The following SEMA3A variants were observed in gnomAD, a reference collection of about 807,000 sequenced individuals.
SEMA3A encodes semaphorin-3A.
In SEMA3A, 29 loss-of-function variants were observed where a neutral mutation model predicts 97.9. The ratio of observed to expected loss-of-function variants is 0.30; its 90% CI spans 0.22 to 0.40. The LOEUF (loss-of-function observed/expected upper bound fraction) is 0.40. Ranked by LOEUF, SEMA3A falls within the 10% of genes least tolerant of loss-of-function variation. SEMA3A has a pLI of 1.00. For missense variants in SEMA3A, 763 were observed against 951.3 expected (o/e 0.80, Z 2.60); for synonymous variants, 321 against 323.7 (o/e 0.99, Z 0.09).
At chr7:84,145,136 T>C (rs916068461) in intron 1 of SEMA3A, among the ~76,000 whole-genome samples, 1 of 152,186 alleles carries the variant, frequency 6.6e-6, no homozygotes, top group Admixed American at 6.5e-5. Context: ...CACCCTCACC[T>C]GCTTAGGTAA....
At chr7:84,035,225 G>A (rs766998913) in intron 6 of SEMA3A, among the ~76,000 whole-genome samples, 1 of 151,960 alleles carries the variant, frequency 6.6e-6, no homozygotes, top group Non-Finnish European at 1.5e-5. Context: ...CAATGAAAAT[G>A]CTTAGAGATT....
chr7:84,370,692 TA>T (rs1360691098), intron 2 of SEMA3A, among the ~76,000 whole-genome samples: 1 of 151,718 alleles, frequency 6.6e-6, no homozygotes, highest in Admixed American at 6.6e-5. Flanking sequence ...AATATACCTT[TA>T]TAATGTATAT....
At chr7:84,224,600 A>C (rs1027854520) in intron 3 of SEMA3A, among the ~76,000 whole-genome samples, 1 of 152,088 alleles carries the variant, frequency 6.6e-6, no homozygotes, top group Non-Finnish European at 1.5e-5. Flanking sequence ...AATCCATTAA[A>C]CAAGACAAAG....
intron 3 of SEMA3A, among the ~76,000 whole-genome samples, chr7:84,238,282 G>T (rs1799280685): frequency 6.6e-6 from 1 of 152,014 alleles, no homozygotes; most frequent in Admixed American, 6.6e-5. Flanking sequence ...GGCCAGGCTG[G>T]CCTTGAACTC....
intron 4 of SEMA3A, among the ~76,000 whole-genome samples, chr7:84,062,605 G>A (rs1408752723): frequency 6.6e-6 from 1 of 152,226 alleles, no homozygotes. Context: ...TGCCTCACTT[G>A]GGAAGCGCAA....
At position 84,491,752 on chromosome 7, in the gene SEMA3A, A is replaced by G. The variant is rs192864997; in HGVS notation, c.-246+708T>C. Among the ~76,000 whole-genome samples, 129 of 152,322 alleles carry G rather than the reference A, an allele frequency of 8.5e-4. 1 individual carries two copies. The highest frequency in any genetic ancestry group is 3.4e-3 in the Middle Eastern group (1 of 294). On this transcript the variant is annotated intron_variant, in intron 1 of 3. Transcript: ENST00000424555. ...GTGAATCCAAAGTTGTAAATGCAAA[A>G]TAAACGCAATGTGAAGACTGCTTTA...
At chr7:84,083,929 C>T (rs375226641) in intron 4 of SEMA3A, among the ~76,000 whole-genome samples, 24 of 152,070 alleles carry the variant, frequency 1.6e-4, no homozygotes, top group African/African-American at 5.3e-4. Context: ...TCATAGTTAA[C>T]GATATAAAAG....
chr7:84,278,758 A>AC (rs1475783909), intron 3 of SEMA3A, among the ~76,000 whole-genome samples: 1 of 152,118 alleles, frequency 6.6e-6, no homozygotes, highest in Non-Finnish European at 1.5e-5. Flanking sequence ...TATCATGAGC[A>AC]CAACAACAAA....
At chr7:84,430,587 A>C (rs1433973362) in intron 1 of SEMA3A, among the ~76,000 whole-genome samples, 2 of 152,010 alleles carry the variant, frequency 1.3e-5, no homozygotes, top group Admixed American at 6.6e-5. Flanking sequence ...CAGTGTGAAA[A>C]ATAGGTAAAA....
chr7:84,428,547 T>A (rs1804886099), intron 1 of SEMA3A, among the ~76,000 whole-genome samples: 3 of 152,100 alleles, frequency 2.0e-5, no homozygotes, highest in Non-Finnish European at 2.9e-5. Context: ...TTTAAAAATT[T>A]CTTTGAATAT....
chr7:84,347,761 C>T (rs1179101041), intron 2 of SEMA3A, among the ~76,000 whole-genome samples: 1 of 152,016 alleles, frequency 6.6e-6, no homozygotes. Flanking sequence ...AATATATTCT[C>T]TATGATCCCT....
chr7:84,095,364 T>TTCCC (rs1287584477), intron 4 of SEMA3A, among the ~76,000 whole-genome samples: 1 of 48,252 alleles, frequency 2.1e-5, no homozygotes, highest in African/African-American at 4.2e-5. Context: ...TATACATATA[T>TTCCC]ATATATATAT....
At chr7:84,248,812 TA>T (rs1799533515) in intron 3 of SEMA3A, among the ~76,000 whole-genome samples, 1 of 146,672 alleles carries the variant, frequency 6.8e-6, no homozygotes, top group African/African-American at 2.5e-5. Context: ...TAGGAGAGAC[TA>T]CAAAAACGTT....
intron 2 of SEMA3A, among the ~76,000 whole-genome samples, chr7:84,370,925 A>G (rs1361995464): frequency 3.3e-5 from 5 of 151,382 alleles, no homozygotes; most frequent in Non-Finnish European, 7.4e-5. Context: ...TTTATTTGAA[A>G]TAGATTAGTT....
rs376691490 is a variant in SEMA3A, at chr7:84,441,406, GA to G, written c.-246+51053del. Among the ~76,000 whole-genome samples the G allele has an allele frequency of 1.3e-3, 190 of 150,676 alleles. 1 individual carries two copies. The highest frequency in any genetic ancestry group is 6.9e-3 in the South Asian group (33 of 4,784). ...AGCTTCAAAATATAATAACAGAAAT[GA>G]AAAAAAATACTAGAGAGATTAAAAG... is the stretch of plus-strand genomic sequence containing the variant. On this transcript the variant is annotated intron_variant, in intron 1 of 3. Coordinates refer to the SEMA3A transcript ENST00000424555.
chr7:84,085,532 C>T lies in SEMA3A; in HGVS notation c.453+24938G>A, dbSNP rs572728196. Among the ~76,000 whole-genome samples the T allele has an allele frequency of 7.2e-5, 11 of 152,104 alleles. 1 individual carries two copies. Among genetic ancestry groups the T allele is most frequent in the African/African-American group, 2.6e-4 (11 of 41,518 alleles). ...GAACTGAGGAATATCCTGAATCATACACTAAAGCTATAAACTGTAGCACAA... is the reference window on the plus strand; with the variant it reads ...GAACTGAGGAATATCCTGAATCATATACTAAAGCTATAAACTGTAGCACAA... On this transcript the variant is annotated intron_variant, in intron 4 of 16. Transcript: ENST00000265362.
chr7:84,240,019 A>C lies in SEMA3A; in HGVS notation c.-82-45351T>G, dbSNP rs566874452. 2.0e-5 allele frequency among the ~76,000 whole-genome samples: 3 copies of C among 152,300 alleles called. No homozygotes were observed. In the South Asian group the frequency reaches 6.2e-4, roughly 32 times the overall value. On this transcript the variant is annotated intron_variant, in intron 3 of 3. Coordinates refer to the SEMA3A transcript ENST00000424555. ...AACTATAATGCCACAGTATCCTATA[A>C]ATTTTTAAGTGTTTCAAATTACCAA...
chr7:84,481,224 A>G (rs958539471), intron 1 of SEMA3A, among the ~76,000 whole-genome samples: 5 of 152,144 alleles, frequency 3.3e-5, no homozygotes, highest in Non-Finnish European at 5.9e-5. Context: ...GCAAATCTAA[A>G]TCTTCAGGGA....
upstream of SEMA3A, among the ~76,000 whole-genome samples, chr7:84,195,600 A>G (rs958568163): frequency 6.6e-6 from 1 of 152,120 alleles, no homozygotes; most frequent in African/African-American, 2.4e-5. Context: ...ACTAAAGCCC[A>G]TTCCAACAAT....
Sources: gnomAD v4.1 joint callset for allele counts (sites outside exome capture counted in the v4.1 genomes callset) on GRCh38, gnomAD v4.1.1 for gene constraint, MANE v1.5 for transcripts, NCBI Gene and HGNC (gene_info 2026-07-23, HGNC 2026-07-21) for gene names.